NFS1: variants seen among roughly 807,000 people sequenced by gnomAD.
NFS1 encodes NFS1 cysteine desulfurase, also known as cysteine desulfurase.
NFS1 carries 26 observed loss-of-function variants against 57.3 expected under a neutral mutation model. The ratio of observed to expected loss-of-function variants is 0.45; its 90% CI spans 0.33 to 0.63. The LOEUF is 0.63. Among genes scored for constraint, NFS1 ranks in the 20% least tolerant of loss-of-function variants. The pLI is 0.02. For missense variants in NFS1, 505 were observed against 605.8 expected (o/e 0.83, Z 1.75); for synonymous variants, 209 against 216.3 (o/e 0.97, Z 0.30).
intron 1 of NFS1, 99 bp from the exon 2 acceptor site, chr20:35,698,689 T>G: frequency 6.8e-7 from 1 of 1,470,976 alleles, no homozygotes; most frequent in African/African-American, 1.4e-5. Flanking sequence ...GGAGGTGAGA[T>G]AAGTGTAAGG....
intron 1 of NFS1, chr20:35,698,852 G>A: frequency 7.4e-7 from 1 of 1,354,214 alleles, no homozygotes; most frequent in Non-Finnish European, 9.4e-7. Context: ...AAAGGGCAAA[G>A]ACGTTTAGAA....
At chr20:35,679,010 G>A (rs2034803428) in intron 7 of NFS1, among the ~76,000 whole-genome samples, 1 of 152,312 alleles carries the variant, frequency 6.6e-6, no homozygotes, top group African/African-American at 2.4e-5. Flanking sequence ...TGTCTGAACA[G>A]TGAAGAATGC....
chr20:35,681,293 C>A (rs903692414), intron 6 of NFS1, among the ~76,000 whole-genome samples: 1 of 151,224 alleles, frequency 6.6e-6, no homozygotes, highest in Non-Finnish European at 1.5e-5. Context: ...AATTACAGGG[C>A]GATCTCTATG....
At chr20:35,670,356 C>G (rs6088913) in intron 12 of NFS1, among the ~76,000 whole-genome samples, 1 of 152,318 alleles carries the variant, frequency 6.6e-6, no homozygotes, top group East Asian at 1.9e-4. Flanking sequence ...CTGCTAAGCT[C>G]TGATCGATCC....
chr20:35,692,835 C>G (rs2035068419), intron 4 of NFS1, among the ~76,000 whole-genome samples: 1 of 151,900 alleles, frequency 6.6e-6, no homozygotes, highest in African/African-American at 2.4e-5. Flanking sequence ...AACCCCGTCT[C>G]TACTAAAAAT....
chr20:35,693,675 A>G (rs1399735846), intron 4 of NFS1, among the ~76,000 whole-genome samples: 1 of 152,124 alleles, frequency 6.6e-6, no homozygotes, highest in Admixed American at 6.5e-5. Flanking sequence ...CAAAAATTAA[A>G]ATAACAGGCC....
intron 7 of NFS1, among the ~76,000 whole-genome samples, chr20:35,676,781 A>G: frequency 7.3e-6 from 1 of 137,862 alleles, no homozygotes; most frequent in South Asian, 2.4e-4. Flanking sequence ...AAAAAAAAAA[A>G]AAAACCAAGA....
In NFS1 at chr20:35,698,541, G is replaced by T. The variant is rs1026491901; in HGVS notation, c.147C>A (p.Ala49=). The T allele has an allele frequency of 3.1e-6, 5 of 1,613,780 alleles. No homozygotes were observed. The African/African-American group carries it at 5.3e-5, about 17-fold the overall frequency. Residue 49 remains alanine, a synonymous_variant, in exon 2 of 13, where the codon GCC becomes GCA. Transcript: ENST00000374092. The part of the protein sequence containing the change: ...QSAVPADTAA[A]PEVGPVLRPL... ...GTCGCAGCACTGGCCCCACCTCCGG[G>T]GCAGCGGCTGTATCTGCGGGAACCG... is the stretch of plus-strand genomic sequence containing the variant.
chr20:35,697,579 C>A, intron 3 of NFS1, 105 bp downstream of exon 3: 1 of 688,324 alleles, frequency 1.5e-6, no homozygotes, highest in Admixed American at 2.7e-5. Flanking sequence ...CAGAAAGAAT[C>A]CAAAACCATT....
At chr20:35,696,543 G>GCTCTTCTTGCTC in intron 3 of NFS1, 83 bp from the exon 4 acceptor site, 3 of 977,712 alleles carry the variant, frequency 3.1e-6, no homozygotes, top group Non-Finnish European at 4.9e-6. Context: ...CAGCCCTGGA[G>GCTCTTCTTGCTC]CAAGAAGAGC....
intron 5 of NFS1, among the ~76,000 whole-genome samples, chr20:35,684,759 A>C (rs924286250): frequency 9.9e-5 from 15 of 151,832 alleles, no homozygotes; most frequent in African/African-American, 3.6e-4. Context: ...TCAATAAAAA[A>C]TAAATAAAAA....
At chr20:35,669,811 T>A in intron 12 of NFS1, 126 bp from the exon 13 acceptor site, 1 of 835,562 alleles carries the variant, frequency 1.2e-6, no homozygotes, top group Non-Finnish European at 2.0e-6. Context: ...CTTGCCCTGG[T>A]AGACCCTAAC....
intron 11 of NFS1, 64 bp downstream of exon 11, chr20:35,673,537 T>C (rs1358294222): frequency 5.7e-6 from 8 of 1,410,056 alleles, no homozygotes; most frequent in African/African-American, 1.4e-5. Flanking sequence ...AGAAAAAAAC[T>C]GTAACAGGAG....
intron 4 of NFS1, chr20:35,692,229 C>A (rs1269351886): frequency 3.7e-6 from 1 of 269,900 alleles, no homozygotes. Context: ...CAAAAATTAG[C>A]GAGGTGTGGT....
intron 7 of NFS1, among the ~76,000 whole-genome samples, chr20:35,677,547 C>T (rs2034774451): frequency 6.6e-6 from 1 of 151,940 alleles, no homozygotes; most frequent in South Asian, 2.1e-4. Context: ...CTCAAAAAAA[C>T]AAAAAACTTA....
At chr20:35,670,004 G>A (rs1174319334) in intron 12 of NFS1, among the ~76,000 whole-genome samples, 1 of 152,210 alleles carries the variant, frequency 6.6e-6, no homozygotes, top group South Asian at 2.1e-4. Context: ...CTGGTAAGAG[G>A]CTATGGCCAT....
chr20:35,697,601 G>C (rs1337846140), intron 3 of NFS1, 83 bp downstream of exon 3: 2 of 856,592 alleles, frequency 2.3e-6, no homozygotes, highest in African/African-American at 3.4e-5. Context: ...CTACCTCCAT[G>C]CACACCTACC....
intron 4 of NFS1, among the ~76,000 whole-genome samples, chr20:35,695,196 C>A (rs1362191097): frequency 6.6e-6 from 1 of 152,118 alleles, no homozygotes; most frequent in Non-Finnish European, 1.5e-5. Context: ...CCATCTCCAC[C>A]TTTGGAGGAA....
At chr20:35,692,145 C>A (rs1229482198) in intron 4 of NFS1, 5 of 189,514 alleles carry the variant, frequency 2.6e-5, no homozygotes, top group Non-Finnish European at 5.5e-5. Flanking sequence ...GAGGTCACGC[C>A]ATTGCACTTC....
Sources: allele counts gnomAD v4.1 joint callset (sites outside exome capture counted in the v4.1 genomes callset), GRCh38; gene constraint gnomAD v4.1.1; transcripts MANE v1.5; gene names NCBI Gene and HGNC (gene_info 2026-07-23, HGNC 2026-07-21).